Variants in UBE2E3 observed in about 807,000 individuals in gnomAD.
The protein encoded by UBE2E3 is ubiquitin conjugating enzyme E2 E3, also known as ubiquitin-conjugating enzyme E2 E3.
A neutral mutation model predicts 23.6 loss-of-function variants in UBE2E3; 5 were observed. The ratio of observed to expected loss-of-function variants is 0.21; its 90% CI spans 0.11 to 0.44. UBE2E3 has a LOEUF of 0.44. Among genes scored for constraint, UBE2E3 ranks in the 20% least tolerant of loss-of-function variants. UBE2E3 has a pLI of 0.99. For synonymous variants in UBE2E3, 78 were observed against 87.5 expected, an observed-to-expected ratio of 0.89 and a Z score of 0.60; for missense variants, 81 against 249.8, an observed-to-expected ratio of 0.32 and a Z score of 4.55.
chr2:181,029,078 C>G (rs2105641964), intron 3 of UBE2E3, among the ~76,000 whole-genome samples: 1 of 152,052 alleles, frequency 6.6e-6, no homozygotes, highest in East Asian at 1.9e-4. Flanking sequence ...GTTTTAGTAA[C>G]TTTATTGAAT....
intron 3 of UBE2E3, among the ~76,000 whole-genome samples, chr2:181,004,485 T>G (rs1473699498): frequency 2.0e-5 from 3 of 151,928 alleles, no homozygotes; most frequent in African/African-American, 7.3e-5. Flanking sequence ...ATACAAAAAT[T>G]AGCTGGGCCT....
At chr2:181,031,725 C>T (rs916752108) in intron 3 of UBE2E3, among the ~76,000 whole-genome samples, 2 of 152,218 alleles carry the variant, frequency 1.3e-5, no homozygotes, top group African/African-American at 4.8e-5. Context: ...TCCTTCTTTA[C>T]ACCCATTTTT....
At position 181,038,884 on chromosome 2, in the gene UBE2E3, TACTG is replaced by T. The variant is rs564079810; in HGVS notation, c.246-18805_246-18802del. On this transcript the variant is annotated intron_variant, in intron 3 of 5. Transcript: ENST00000410062. The stretch of plus-strand genomic sequence containing the variant: ...AAAACCACGATGAAATACAACTACA[TACTG>T]ACTAGAATGGTTAAAATAATTATAA... Among the ~76,000 whole-genome samples, 487 of 152,286 alleles carry T rather than the reference TACTG, an allele frequency of 3.2e-3. 3 individuals are homozygous for T. Among genetic ancestry groups the T allele is most frequent in the Non-Finnish European group, 3.9e-3 (266 of 68,012 alleles).
intron 2 of UBE2E3, among the ~76,000 whole-genome samples, chr2:180,983,838 C>T (rs1222957927): frequency 6.6e-6 from 1 of 152,146 alleles, no homozygotes; most frequent in Non-Finnish European, 1.5e-5. Flanking sequence ...TTGTTTGCAG[C>T]AGCAAGTGAG....
At chr2:181,040,328 G>A (rs960492099) in intron 3 of UBE2E3, among the ~76,000 whole-genome samples, 8 of 152,092 alleles carry the variant, frequency 5.3e-5, no homozygotes, top group African/African-American at 1.9e-4. Flanking sequence ...ATTGCATTTA[G>A]CCTTTTCATA....
rs545900140 is a variant in UBE2E3 at position 181,060,827 on chromosome 2, A to G, written c.526+15A>G. ...CTGCAACCCTGGTAAGCAAATCTTTATTAACATGTACAATAAGACTACAAA... is the reference window on the plus strand; with the variant it reads ...CTGCAACCCTGGTAAGCAAATCTTTGTTAACATGTACAATAAGACTACAAA... On this transcript the variant is annotated intron_variant, in intron 5 of 5. Transcript: ENST00000410062. 38 of 1,245,246 alleles carry G rather than the reference A, an allele frequency of 3.1e-5. No homozygotes were observed. In the Admixed American group the frequency reaches 5.4e-4, roughly 18 times the overall value. 77.1% of individuals were successfully genotyped at this position (1,245,246 alleles called of 1,614,324 possible).
rs994712967 is a variant in UBE2E3, at chr2:181,038,198, C to A, written c.246-19495C>A. On this transcript the variant is annotated intron_variant, in intron 3 of 5. Transcript: ENST00000410062. ...GTGTACCACTTTTTATCTTTTATATCATTTTTACTGTACCTTTCCTGTGTG... is the reference window on the plus strand; with the variant it reads ...GTGTACCACTTTTTATCTTTTATATAATTTTTACTGTACCTTTCCTGTGTG... Among the ~76,000 whole-genome samples the A allele has an allele frequency of 3.9e-5, 6 of 152,092 alleles. No individual in the cohort carries two copies. The South Asian group carries it at 1.2e-3, about 32-fold the overall frequency.
Position 180,980,842 on chromosome 2 carries a change from C to G in UBE2E3, c.-157C>G, listed in dbSNP as rs993078515. On this transcript the variant is annotated 5_prime_UTR_variant, in exon 1 of 6. Transcript: ENST00000410062. This position sits in a 1 kb window ranked among gnomAD's most constrained non-coding sequence, Gnocchi z 5.5. ...GTTCCACACTCCCCGGCCAGAGCCT[C>G]CTCGGCTTCTTTTTTTCCCTCCCCC... is the stretch of plus-strand genomic sequence containing the variant. The G allele has an allele frequency of 1.3e-5, 2 of 149,838 alleles. No individual in the cohort carries two copies. The highest frequency in any genetic ancestry group is 4.9e-5 in the African/African-American group (2 of 41,164). The allele number at this position is 149,838 out of a possible 1,614,324, so 9.3% of individuals were successfully genotyped here. A position where few individuals can be genotyped will look rare whatever the true frequency, so the allele number is the denominator to read the frequency against.
At chr2:181,040,481 T>A (rs922392574) in intron 3 of UBE2E3, among the ~76,000 whole-genome samples, 2 of 152,234 alleles carry the variant, frequency 1.3e-5, no homozygotes, top group African/African-American at 4.8e-5. Flanking sequence ...TTTTTCATGG[T>A]TGACATTTAT....
At chr2:181,016,504 T>C (rs901588982) in intron 3 of UBE2E3, among the ~76,000 whole-genome samples, 3 of 152,180 alleles carry the variant, frequency 2.0e-5, no homozygotes, top group African/African-American at 7.2e-5. Context: ...TTATTTAATA[T>C]GTAACACCCT....
chr2:181,060,596 T>G, intron 4 of UBE2E3, 69 bp from the exon 5 acceptor site: 1 of 1,387,416 alleles, frequency 7.2e-7, no homozygotes, highest in Non-Finnish European at 9.6e-7. Context: ...TACCCTTCAT[T>G]TTTTTTTAGT....
At chr2:181,036,119 C>T (rs910900111) in intron 3 of UBE2E3, among the ~76,000 whole-genome samples, 1 of 152,084 alleles carries the variant, frequency 6.6e-6, no homozygotes, top group Non-Finnish European at 1.5e-5. Flanking sequence ...CTAATTTTTG[C>T]AAAGAAAGAA....
chr2:181,059,480 T>C (rs1222286560), intron 4 of UBE2E3, among the ~76,000 whole-genome samples: 1 of 151,766 alleles, frequency 6.6e-6, no homozygotes, highest in African/African-American at 2.4e-5. Context: ...TTTTAAATTT[T>C]CTAATAGCCA....
At chr2:181,038,107 C>G (rs377144902) in intron 3 of UBE2E3, among the ~76,000 whole-genome samples, 2 of 152,304 alleles carry the variant, frequency 1.3e-5, no homozygotes, top group Non-Finnish European at 2.9e-5. Context: ...CTTCACTACT[C>G]ACCCCTGACT....
Position 180,992,582 on chromosome 2 carries a change from G to A in UBE2E3, c.245+8489G>A, listed in dbSNP as rs1450267088. On this transcript the variant is annotated intron_variant, in intron 3 of 5. Coordinates refer to ENST00000410062, the MANE Select transcript of UBE2E3 (RefSeq NM_006357.4). ...GTGTATCTTGTAGCTCTGACATTTGGAACATATGCCTCAAGCAATCCTCCC... is the reference window on the plus strand; with the variant it reads ...GTGTATCTTGTAGCTCTGACATTTGAAACATATGCCTCAAGCAATCCTCCC... 4.6e-5 allele frequency among the ~76,000 whole-genome samples: 7 copies of A among 152,098 alleles called. No homozygotes were observed. In the East Asian group the frequency reaches 1.2e-3, roughly 25 times the overall value.
intron 3 of UBE2E3, among the ~76,000 whole-genome samples, chr2:181,039,429 G>A (rs966039337): frequency 6.6e-6 from 1 of 151,964 alleles, no homozygotes; most frequent in African/African-American, 2.4e-5. Flanking sequence ...GGCTGGGAGG[G>A]CGACTTATAA....
chr2:181,057,727 A>G lies in UBE2E3; in HGVS notation c.280A>G (p.Arg94Gly). The part of the protein sequence containing the change: ...GPKGDNIYEW[R>G]STILGPPGSV... ...TAAAGGAGATAACATTTATGAATGG[A>G]GATCAACTATACTTGGTCCACCGGG... The change falls in exon 4 of 6, where the codon AGA becomes GGA. Residue 94 changes from arginine to glycine, a missense_variant. Physicochemically the swap from Arg to Gly is moderately radical, Grantham distance 125 (BLOSUM62 -2). Transcript: ENST00000410062. 6.2e-7 allele frequency: 1 copy of G among 1,610,456 alleles called. No homozygotes were observed. Among genetic ancestry groups the G allele is most frequent in the Non-Finnish European group, 8.5e-7 (1 of 1,177,986 alleles).
intron 3 of UBE2E3, among the ~76,000 whole-genome samples, chr2:181,044,590 A>C (rs1287604247): frequency 6.6e-5 from 10 of 152,166 alleles, no homozygotes; most frequent in Admixed American, 6.6e-4. Context: ...TACTGTGTAG[A>C]AACTACTTTT....
intron 3 of UBE2E3, among the ~76,000 whole-genome samples, chr2:181,051,732 T>C (rs1686849231): frequency 1.3e-5 from 2 of 151,920 alleles, no homozygotes; most frequent in Non-Finnish European, 2.9e-5. Flanking sequence ...TGCAATAGAA[T>C]ATGTGTGCAA....
Sources: gnomAD v4.1 joint callset for allele counts (sites outside exome capture counted in the v4.1 genomes callset) on GRCh38, gnomAD v4.1.1 for gene constraint, Gnocchi (gnomAD v3.1) non-coding constraint, MANE v1.5 for transcripts, NCBI Gene and HGNC (gene_info 2026-07-23, HGNC 2026-07-21) for gene names.